Variants in ITGB5 observed in about 807,000 individuals in gnomAD.
ITGB5 encodes the protein integrin beta-5.
In ITGB5, 38 loss-of-function variants were observed where a neutral mutation model predicts 84.8. The ratio of observed to expected loss-of-function variants is 0.45; its 90% CI spans 0.35 to 0.59. ITGB5 has a LOEUF of 0.59. Ranked by LOEUF, ITGB5 falls within the 20% of genes least tolerant of loss-of-function variation. The probability of loss-of-function intolerance (pLI) is 0.01; values close to 1 mark genes in which losing one functional copy is unlikely to be tolerated. For synonymous variants in ITGB5, 393 were observed against 414.4 expected (o/e 0.95, Z 0.63); for missense variants, 905 against 1,034.5 (o/e 0.87, Z 1.72).
intron 5 of ITGB5, among the ~76,000 whole-genome samples, chr3:124,832,553 G>A (rs957511103): frequency 1.3e-5 from 2 of 152,218 alleles, no homozygotes; most frequent in African/African-American, 4.8e-5. Flanking sequence ...CAAGAGACCA[G>A]GATGACCCCT....
At chr3:124,820,906 G>A (rs149621864) in intron 6 of ITGB5, among the ~76,000 whole-genome samples, 2 of 152,146 alleles carry the variant, frequency 1.3e-5, no homozygotes, top group African/African-American at 4.8e-5. Context: ...CCACCTCTGG[G>A]AGCCCACGTC....
chr3:124,824,419 A>G (rs2107565849), intron 5 of ITGB5, among the ~76,000 whole-genome samples: 1 of 152,362 alleles, frequency 6.6e-6, no homozygotes, highest in South Asian at 2.1e-4. Context: ...GTAGACCTAA[A>G]GCTATAAAAC....
Position 124,763,503 on chromosome 3 carries a change from T to C in ITGB5, c.*120A>G, listed in dbSNP as rs2063722191. The C allele has an allele frequency of 1.1e-5, 7 of 625,826 alleles. No individual in the cohort carries two copies. Among genetic ancestry groups the C allele is most frequent in the Non-Finnish European group, 2.0e-5 (7 of 346,146 alleles). 38.8% of individuals were successfully genotyped at this position (625,826 alleles called of 1,614,324 possible). A position where few individuals can be genotyped will look rare whatever the true frequency, so the allele number is the denominator to read the frequency against. ...CTGTGGGCTCCTGGCCCAGGCTCACTAGAAGGTCTTCTCTGTGGTGCCTAC... is the reference window on the plus strand; with the variant it reads ...CTGTGGGCTCCTGGCCCAGGCTCACCAGAAGGTCTTCTCTGTGGTGCCTAC... On this transcript the variant is annotated 3_prime_UTR_variant, in exon 15 of 15. Coordinates refer to ENST00000296181, the MANE Select transcript of ITGB5 (RefSeq NM_002213.5).
chr3:124,777,141 TAGGAG>T (rs1203695075), intron 10 of ITGB5, among the ~76,000 whole-genome samples: 7 of 151,768 alleles, frequency 4.6e-5, no homozygotes, highest in Non-Finnish European at 1.0e-4. Context: ...GAGTCAAGGG[TAGGAG>T]AGGGTGAGAG....
At chr3:124,838,936 G>GCGTA (rs2064975864) in intron 5 of ITGB5, among the ~76,000 whole-genome samples, 1 of 152,156 alleles carries the variant, frequency 6.6e-6, no homozygotes, top group African/African-American at 2.4e-5. Flanking sequence ...TATGACTGTT[G>GCGTA]CGTAGTCTTT....
At chr3:124,820,350 T>C (rs991279294) in intron 6 of ITGB5, among the ~76,000 whole-genome samples, 13 of 151,954 alleles carry the variant, frequency 8.6e-5, no homozygotes, top group Admixed American at 7.2e-4. Context: ...CAGAGGAGGG[T>C]GCCGAGCTCT....
upstream of ITGB5, among the ~76,000 whole-genome samples, chr3:124,890,235 G>A (rs1184667312): frequency 8.1e-6 from 1 of 122,968 alleles, no homozygotes; most frequent in South Asian, 2.6e-4. Context: ...ACGGAGTCTC[G>A]CTCTGTCGCC....
At chr3:124,793,265 G>A (rs1027520619) in intron 10 of ITGB5, among the ~76,000 whole-genome samples, 4 of 152,170 alleles carry the variant, frequency 2.6e-5, no homozygotes, top group African/African-American at 4.8e-5. Context: ...ATGGACACAC[G>A]CAGGCTTCTA....
rs555646713 is a variant in ITGB5 at position 124,900,770 on chromosome 3, T to A, written c.-255+496A>T. On this transcript the variant is annotated intron_variant, in intron 1 of 4. Coordinates refer to the ITGB5 transcript ENST00000608657. ...CCTCCCACGGGTGGCATTTTGTTTT[T>A]TATTTAACTGAAGAATTTTTCAATG... 2.0e-4 allele frequency among the ~76,000 whole-genome samples: 30 copies of A among 152,334 alleles called. No individual in the cohort carries two copies. The East Asian group carries it at 3.1e-3, about 16-fold the overall frequency.
chr3:124,784,971 G>A (rs145702564), intron 10 of ITGB5, among the ~76,000 whole-genome samples: 6 of 152,332 alleles, frequency 3.9e-5, no homozygotes, highest in African/African-American at 7.2e-5. Flanking sequence ...CTCAAAGGAC[G>A]GAGGTGGTTT....
At chr3:124,889,429 C>G (rs546242248), upstream of ITGB5, among the ~76,000 whole-genome samples, 1 of 152,304 alleles carries the variant, frequency 6.6e-6, no homozygotes. Flanking sequence ...TCTCATGTCT[C>G]CCTAAAACGT....
In ITGB5 at chr3:124,896,381, G is replaced by C. The variant is rs531240684; in HGVS notation, c.-255+4885C>G. Reference sequence around the variant, plus strand: ...CATGATGCCTGCAATGCTCACTAGGGGTTCTTCTTATGTTAGACTAGACAT... The same window carrying C: ...CATGATGCCTGCAATGCTCACTAGGCGTTCTTCTTATGTTAGACTAGACAT... On this transcript the variant is annotated intron_variant, in intron 1 of 4. Transcript: ENST00000608657. 1.4e-4 allele frequency among the ~76,000 whole-genome samples: 22 copies of C among 152,184 alleles called. 1 individual carries two copies. The highest frequency in any genetic ancestry group is 9.6e-4 in the East Asian group (5 of 5,184).
intron 12 of ITGB5, among the ~76,000 whole-genome samples, chr3:124,766,628 T>C (rs1217841259): frequency 2.0e-5 from 3 of 151,906 alleles, no homozygotes; most frequent in Non-Finnish European, 4.4e-5. Flanking sequence ...TAACAGAAGG[T>C]TTTAATGGTT....
In ITGB5 at chr3:124,809,077, T is replaced by C. The variant is rs374321444; in HGVS notation, c.1208A>G (p.Asp403Gly). 6.2e-6 allele frequency: 10 copies of C among 1,614,032 alleles called. No homozygotes were observed. The highest frequency in any genetic ancestry group is 8.5e-6 in the Non-Finnish European group (10 of 1,180,036). Reference protein sequence around the residue: ...LNLFFTATCQDGVSYPGQRKC... With the variant: ...LNLFFTATCQGGVSYPGQRKC... ...CCTCTGACCAGGATAGGATACCCCATCTTGGCAGGTAGCAGTAAAGAAGAG... is the reference window on the plus strand; with the variant it reads ...CCTCTGACCAGGATAGGATACCCCACCTTGGCAGGTAGCAGTAAAGAAGAG... Residue 403 changes from aspartate to glycine, a missense_variant, in exon 9 of 15, where the codon GAT (aspartate) becomes GGT (glycine). Physicochemically the swap from Asp to Gly is moderately conservative, Grantham distance 94. Coordinates refer to ENST00000296181, the MANE Select transcript of ITGB5 (RefSeq NM_002213.5).
rs568410917 is a variant in ITGB5, at chr3:124,796,878, CA to C, written c.1264-62del. On this transcript the variant is annotated intron_variant, in intron 9 of 14. Transcript: ENST00000296181. ...GGCAAGCCAGGGTCTCCCATTCACC[CA>C]GGGGCAGGGCCCTTGATGAAGAGCA... is the stretch of plus-strand genomic sequence containing the variant. The C allele has an allele frequency of 1.1e-4, 164 of 1,505,804 alleles. 1 individual carries two copies. In the African/African-American group the frequency reaches 1.9e-3, roughly 17 times the overall value. 93.3% of individuals were successfully genotyped at this position (1,505,804 alleles called of 1,614,324 possible).
chr3:124,829,094 CTT>C (rs1347657659), intron 5 of ITGB5, among the ~76,000 whole-genome samples: 3 of 152,118 alleles, frequency 2.0e-5, no homozygotes, highest in Non-Finnish European at 4.4e-5. Flanking sequence ...AAAACTGTCA[CTT>C]ATATCTATAA....
At chr3:124,887,870 G>A (rs1222747036), upstream of ITGB5, 1 of 271,868 alleles carries the variant, frequency 3.7e-6, no homozygotes, top group Non-Finnish European at 7.6e-6. Flanking sequence ...GCAAGGGAGG[G>A]CGTGGTGGGG....
chr3:124,804,974 TTTCC>T (rs377410108), intron 9 of ITGB5, among the ~76,000 whole-genome samples: 1,543 of 151,336 alleles, frequency 0.01, 10 homozygotes, highest in African/African-American at 0.013. Context: ...CCTTTCTTTC[TTTCC>T]TTCCTTCCTT....
intron 5 of ITGB5, among the ~76,000 whole-genome samples, chr3:124,823,285 T>C (rs1380299846): frequency 1.3e-5 from 2 of 150,026 alleles, no homozygotes; most frequent in African/African-American, 4.9e-5. Context: ...TAAATAAAAA[T>C]AAAAACAAAT....
Sources: allele counts gnomAD v4.1 joint callset (sites outside exome capture counted in the v4.1 genomes callset), GRCh38; gene constraint gnomAD v4.1.1; transcripts MANE v1.5; gene names NCBI Gene and HGNC (gene_info 2026-07-23, HGNC 2026-07-21).